LMO7: variants seen among roughly 807,000 people sequenced by gnomAD.
LMO7 encodes the protein LIM domain 7, also known as LIM domain only protein 7.
LMO7 carries 120 observed loss-of-function variants against 206.5 expected under a neutral mutation model. The ratio of observed to expected loss-of-function variants is 0.58; its 90% confidence interval spans 0.50 to 0.68. LMO7 has a LOEUF of 0.68. LMO7 is among the 30% of genes least tolerant of loss of function. LMO7 has a pLI of 0.00. For synonymous variants in LMO7, 706 were observed against 681.5 expected (o/e 1.04, Z -0.56); for missense variants, 1,959 against 1,957.9 (o/e 1.00, Z -0.01).
chr13:75,834,499 A>G, intron 17 of LMO7, 112 bp downstream of exon 17: 1 of 835,426 alleles, frequency 1.2e-6, no homozygotes, highest in Non-Finnish European at 1.8e-6. Context: ...ATGTTTTGGC[A>G]TTAAAGGTTT....
intron 3 of LMO7, 31 bp from the exon 4 acceptor site, chr13:75,760,901 C>T: frequency 6.2e-7 from 1 of 1,611,910 alleles, no homozygotes; most frequent in Non-Finnish European, 8.5e-7. Flanking sequence ...GAGAGCTCAG[C>T]TAAGCAATCA....
chr13:75,852,261 C>T (rs1170594739), intron 27 of LMO7, among the ~76,000 whole-genome samples: 1 of 152,150 alleles, frequency 6.6e-6, no homozygotes, highest in Non-Finnish European at 1.5e-5. Context: ...CAAAGGTGTT[C>T]TCACTTGTAA....
intron 1 of LMO7, among the ~76,000 whole-genome samples, chr13:75,641,419 T>A (rs1021391443): frequency 6.6e-6 from 1 of 152,220 alleles, no homozygotes; most frequent in African/African-American, 2.4e-5. Flanking sequence ...GCACTGATTT[T>A]AAGTATACCA....
intron 1 of LMO7, among the ~76,000 whole-genome samples, chr13:75,670,983 T>TA (rs1016626862): frequency 5.4e-5 from 8 of 147,950 alleles, no homozygotes; most frequent in Non-Finnish European, 1.1e-4. Context: ...TTTTTTTTTT[T>TA]ACTATTTAAA....
rs2035876593 is a variant in LMO7 at position 75,636,540 on chromosome 13, C to A, written c.-118C>A. 1.3e-6 allele frequency: 2 copies of A among 1,521,288 alleles called. No individual in the cohort carries two copies. The highest frequency in any genetic ancestry group is 8.8e-7 in the Non-Finnish European group (1 of 1,141,736). 94.2% of individuals were successfully genotyped at this position (1,521,288 alleles called of 1,614,324 possible). On this transcript the variant is annotated 5_prime_UTR_variant, in exon 1 of 31. Coordinates refer to ENST00000377534, the MANE Select transcript of LMO7 (RefSeq NM_001306080.2). The stretch of plus-strand genomic sequence containing the variant: ...AGCCCCGGCGCCTTCGCAGCCGGAG[C>A]GGAAGCCGGAGTTGTGGGAGGCCCG...
chr13:75,718,239 T>C (rs1243712256), intron 2 of LMO7, among the ~76,000 whole-genome samples: 2 of 152,202 alleles, frequency 1.3e-5, no homozygotes, highest in African/African-American at 4.8e-5. Context: ...AAACATGAAC[T>C]TAAAAATTCA....
At chr13:75,633,659 A>G (rs571818345), upstream of LMO7, among the ~76,000 whole-genome samples, 83 of 152,306 alleles carry the variant, frequency 5.4e-4, no homozygotes, top group African/African-American at 1.8e-3. Flanking sequence ...TGGGTTAAAA[A>G]AAGATGTGCT....
chr13:75,745,349 A>G (rs1178033299), intron 3 of LMO7, among the ~76,000 whole-genome samples: 4 of 152,232 alleles, frequency 2.6e-5, no homozygotes, highest in African/African-American at 4.8e-5. Flanking sequence ...AAGGATGCAC[A>G]TATTTGTGAC....
intron 11 of LMO7, among the ~76,000 whole-genome samples, chr13:75,816,479 GT>G (rs559022598): frequency 6.6e-6 from 1 of 152,166 alleles, no homozygotes; most frequent in Non-Finnish European, 1.5e-5. Context: ...CTGTTCATTG[GT>G]TTCTGTTGTG....
Position 75,815,362 on chromosome 13 carries a change from C to T in LMO7, c.1947-1799C>T, listed in dbSNP as rs1052228771. On this transcript the variant is annotated intron_variant, in intron 11 of 30. Coordinates refer to ENST00000377534, the MANE Select transcript of LMO7 (RefSeq NM_001306080.2). ...AAGGCAGAGGGACAGGATTTACTGA[C>T]GGGACCAGTTATGGTATATGAGAGA... 1.1e-4 allele frequency among the ~76,000 whole-genome samples: 17 copies of T among 152,046 alleles called. No individual in the cohort carries two copies. In the South Asian group the frequency reaches 1.7e-3, roughly 15 times the overall value.
intron 15 of LMO7, among the ~76,000 whole-genome samples, chr13:75,832,075 CA>C (rs1351823666): frequency 6.6e-6 from 1 of 152,072 alleles, no homozygotes; most frequent in Non-Finnish European, 1.5e-5. Context: ...AGAATTTTAA[CA>C]GGTAAGTCTA....
intron 4 of LMO7, among the ~76,000 whole-genome samples, chr13:75,793,629 G>C (rs192810521): frequency 6.6e-6 from 1 of 152,254 alleles, no homozygotes; most frequent in African/African-American, 2.4e-5. Flanking sequence ...GTTAAGCTAT[G>C]GTTTGAGCAC....
chr13:75,856,372 C>CT (rs896170853), intron 29 of LMO7, 134 bp from the exon 30 acceptor site: 638 of 583,822 alleles, frequency 1.1e-3, no homozygotes, highest in East Asian at 1.5e-3. Flanking sequence ...ATCTTTCGGC[C>CT]TTTTTTTTTC....
At chr13:75,706,269 G>A (rs1430382333) in intron 1 of LMO7, among the ~76,000 whole-genome samples, 1 of 152,140 alleles carries the variant, frequency 6.6e-6, no homozygotes, top group Non-Finnish European at 1.5e-5. Flanking sequence ...GTGACCTTAA[G>A]GTAAGTAGCT....
At chr13:75,842,032 C>A in intron 24 of LMO7, 49 bp downstream of exon 24, 3 of 1,421,480 alleles carry the variant, frequency 2.1e-6, no homozygotes, top group East Asian at 4.6e-5. Context: ...TATCCATTCC[C>A]CACTTCAAAG....
At chr13:75,660,089 G>T (rs1323693) in intron 1 of LMO7, among the ~76,000 whole-genome samples, 37,649 of 152,050 alleles carry the variant, frequency 0.25, 5,070 homozygotes, top group Admixed American at 0.37. Context: ...AGTTCATAAT[G>T]TTCTTGTAAA....
chr13:75,669,603 C>T (rs1339976278), intron 1 of LMO7, among the ~76,000 whole-genome samples: 3 of 152,140 alleles, frequency 2.0e-5, no homozygotes, highest in Non-Finnish European at 4.4e-5. Flanking sequence ...GCAATGCCCG[C>T]CTAGCCTCAT....
chr13:75,789,829 G>A (rs754517105), intron 4 of LMO7, among the ~76,000 whole-genome samples: 4 of 152,072 alleles, frequency 2.6e-5, no homozygotes, highest in Non-Finnish European at 4.4e-5. Flanking sequence ...GGTGCACTGC[G>A]GTAAAACTAT....
chr13:75,638,751 C>G (rs1566263711), intron 1 of LMO7, among the ~76,000 whole-genome samples: 1 of 152,078 alleles, frequency 6.6e-6, no homozygotes, highest in African/African-American at 2.4e-5. Flanking sequence ...TCAGCTTTGC[C>G]TTTGCCACCA....
Sources: allele counts gnomAD v4.1 joint callset (sites outside exome capture counted in the v4.1 genomes callset), GRCh38; gene constraint gnomAD v4.1.1; transcripts MANE v1.5; gene names NCBI Gene and HGNC (gene_info 2026-07-23, HGNC 2026-07-21).